The following ACTR3C variants were observed in gnomAD, a reference collection of about 807,000 sequenced individuals.
ACTR3C encodes the protein actin related protein 3C, also known as actin-related protein 3C.
ACTR3C carries 18 observed loss-of-function variants against 26.3 expected under a neutral mutation model. That is an observed-to-expected ratio of 0.68 (90% CI 0.47 to 1.01). ACTR3C has a LOEUF of 1.01. Among genes scored for constraint, ACTR3C ranks in the 50% least tolerant of loss-of-function variants. ACTR3C has a pLI of 0.00. For synonymous variants in ACTR3C, 55 were observed against 94.5 expected, an observed-to-expected ratio of 0.58 and a Z score of 2.42; for missense variants, 184 against 250.7, an observed-to-expected ratio of 0.73 and a Z score of 1.80.
chr7:150,218,376 A>AT, the ACTR3C span, among the ~76,000 whole-genome samples: 1 of 152,098 alleles, frequency 6.6e-6, no homozygotes, highest in African/African-American at 2.4e-5. Context: ...GGAACTGAAT[A>AT]TTTTTTTTCC....
At chr7:150,115,180 A>T in the ACTR3C span, among the ~76,000 whole-genome samples, 3 of 152,228 alleles carry the variant, frequency 2.0e-5, no homozygotes, top group Non-Finnish European at 4.4e-5. Flanking sequence ...GGATTTACTC[A>T]ATGCCTGTCA....
chr7:150,081,030 A>G, the ACTR3C span, among the ~76,000 whole-genome samples: 23,528 of 152,186 alleles, frequency 0.15, 1,928 homozygotes, highest in South Asian at 0.25. Flanking sequence ...GAATTTGAAA[A>G]GCAATACAAC....
At chr7:150,141,939 A>G in the ACTR3C span, among the ~76,000 whole-genome samples, 1 of 152,082 alleles carries the variant, frequency 6.6e-6, no homozygotes, top group African/African-American at 2.4e-5. Flanking sequence ...AGGGAGAAAT[A>G]GCAATGGGCT....
the ACTR3C span, among the ~76,000 whole-genome samples, chr7:149,900,753 G>C: frequency 1.3e-5 from 2 of 152,040 alleles, no homozygotes; most frequent in Non-Finnish European, 2.9e-5. Context: ...ATTAGAAATG[G>C]GGGGCCAGGC....
the ACTR3C span, among the ~76,000 whole-genome samples, chr7:150,012,530 T>C: frequency 6.6e-6 from 1 of 150,768 alleles, no homozygotes; most frequent in Non-Finnish European, 1.5e-5. Context: ...TTAGCCAGGA[T>C]GGTCTCGATC....
At chr7:150,303,350 G>T (rs1180210602) in intron 1 of ACTR3C, among the ~76,000 whole-genome samples, 6 of 152,168 alleles carry the variant, frequency 3.9e-5, no homozygotes, top group African/African-American at 7.2e-5. Context: ...ATATATTCAA[G>T]ACACTAGAGT....
the ACTR3C span, among the ~76,000 whole-genome samples, chr7:150,189,787 T>C: frequency 8.1e-6 from 1 of 123,696 alleles, no homozygotes; most frequent in Non-Finnish European, 1.7e-5. Context: ...ACCACACTTA[T>C]TTATCAATTT....
At chr7:150,197,101 A>C in the ACTR3C span, among the ~76,000 whole-genome samples, 2 of 152,172 alleles carry the variant, frequency 1.3e-5, no homozygotes, top group Non-Finnish European at 2.9e-5. Context: ...GACACGGGGC[A>C]GTAGAGTCCA....
the ACTR3C span, among the ~76,000 whole-genome samples, chr7:150,150,346 GCCA>G: frequency 1.3e-5 from 2 of 152,212 alleles, no homozygotes; most frequent in African/African-American, 4.8e-5. Context: ...TGGTCTTGAT[GCCA>G]CCTTCTGAGA....
intron 6 of ACTR3C, among the ~76,000 whole-genome samples, chr7:150,282,339 G>A (rs1376433405): frequency 6.6e-6 from 1 of 152,164 alleles, no homozygotes; most frequent in Non-Finnish European, 1.5e-5. Flanking sequence ...AACCTTTGCT[G>A]CTAAACACTG....
chr7:149,882,541 C>T, the ACTR3C span, among the ~76,000 whole-genome samples: 1 of 152,138 alleles, frequency 6.6e-6, no homozygotes, highest in East Asian at 1.9e-4. Flanking sequence ...GGAGAGGGTC[C>T]CAGAGCTCAT....
the ACTR3C span, among the ~76,000 whole-genome samples, chr7:150,198,287 G>T: frequency 6.7e-6 from 1 of 148,956 alleles, no homozygotes; most frequent in Non-Finnish European, 1.5e-5. Flanking sequence ...AGTGAGGAGT[G>T]TCTCTGCCTG....
At chr7:150,221,282 C>G in the ACTR3C span, among the ~76,000 whole-genome samples, 1 of 152,008 alleles carries the variant, frequency 6.6e-6, no homozygotes, top group Non-Finnish European at 1.5e-5. Context: ...TTTTTTCTTT[C>G]TTTCTTTTTC....
the ACTR3C span, among the ~76,000 whole-genome samples, chr7:150,042,385 G>T: frequency 1.0e-4 from 15 of 146,492 alleles, no homozygotes; most frequent in African/African-American, 3.4e-4. Flanking sequence ...AGAGCAAAGG[G>T]GGGAAGAGGG....
chr7:150,210,269 T>C, the ACTR3C span, among the ~76,000 whole-genome samples: 1 of 149,744 alleles, frequency 6.7e-6, no homozygotes, highest in Non-Finnish European at 1.5e-5. Context: ...AAGCTGCAGG[T>C]AGAAATATAA....
At chr7:149,947,343 C>T in the ACTR3C span, among the ~76,000 whole-genome samples, 1 of 95,372 alleles carries the variant, frequency 1.0e-5, no homozygotes, top group Non-Finnish European at 2.0e-5. Context: ...TGGGGAGCCC[C>T]CCAAGAAGAG....
At chr7:150,220,038 G>C in the ACTR3C span, among the ~76,000 whole-genome samples, 1 of 146,928 alleles carries the variant, frequency 6.8e-6, no homozygotes, top group Admixed American at 6.6e-5. Flanking sequence ...GCTGCTGGCC[G>C]CGGGTCTACA....
chr7:150,179,861 A>T, the ACTR3C span, among the ~76,000 whole-genome samples: 1 of 151,570 alleles, frequency 6.6e-6, no homozygotes, highest in African/African-American at 2.5e-5. Context: ...TCTTAACCAC[A>T]TTGCAGGTAC....
chr7:150,015,132 C>T, the ACTR3C span, among the ~76,000 whole-genome samples: 1 of 152,300 alleles, frequency 6.6e-6, no homozygotes, highest in East Asian at 1.9e-4. Context: ...TTCATTTATT[C>T]AGCCATGGTT....
Sources: gnomAD v4.1 joint callset for allele counts (sites outside exome capture counted in the v4.1 genomes callset) on GRCh38, gnomAD v4.1.1 for gene constraint, MANE v1.5 for transcripts, NCBI Gene and HGNC (gene_info 2026-07-23, HGNC 2026-07-21) for gene names.